The following FRRS1 variants were observed in gnomAD, a reference collection of about 807,000 sequenced individuals.
The protein encoded by FRRS1 is ferric reductase 1.
In FRRS1, 51 loss-of-function variants were observed where a neutral mutation model predicts 70.7. The ratio of observed to expected loss-of-function variants is 0.72; its 90% CI spans 0.58 to 0.91. The LOEUF (loss-of-function observed/expected upper bound fraction) is 0.91. Ranked by LOEUF, FRRS1 falls within the 40% of genes least tolerant of loss-of-function variation. The probability of loss-of-function intolerance (pLI) is 0.00; values close to 1 mark genes in which losing one functional copy is unlikely to be tolerated. For synonymous variants in FRRS1, 225 were observed against 238.7 expected, an observed-to-expected ratio of 0.94 and a Z score of 0.53; for missense variants, 672 against 726.0, an observed-to-expected ratio of 0.93 and a Z score of 0.86.
rs569842050 is a variant in FRRS1 at position 99,712,822 on chromosome 1, T to C, written c.1324-307A>G. 2.0e-5 allele frequency among the ~76,000 whole-genome samples: 3 copies of C among 152,286 alleles called. No individual in the cohort carries two copies. In the East Asian group the frequency reaches 5.8e-4, roughly 29 times the overall value. ...TGTCCAAGGTCACAGAGTATGTACATGGTTGTGGTGGAATCCATGTACAGA... is the reference window on the plus strand; with the variant it reads ...TGTCCAAGGTCACAGAGTATGTACACGGTTGTGGTGGAATCCATGTACAGA... On this transcript the variant is annotated intron_variant, in intron 12 of 16. Transcript: ENST00000646001.
chr1:99,731,126 C>T (rs1294184537), intron 7 of FRRS1, among the ~76,000 whole-genome samples: 2 of 151,926 alleles, frequency 1.3e-5, no homozygotes, highest in Non-Finnish European at 2.9e-5. Flanking sequence ...AAAAGAATAC[C>T]AAAAAAGAAG....
At chr1:99,722,760 C>T (rs953019) in intron 9 of FRRS1, among the ~76,000 whole-genome samples, 44,556 of 152,018 alleles carry the variant, frequency 0.29, 6,659 homozygotes, top group Admixed American at 0.33. Context: ...GAATATCAGA[C>T]GCATTTTCAT....
intron 7 of FRRS1, among the ~76,000 whole-genome samples, chr1:99,734,614 C>A (rs183935387): frequency 4.7e-4 from 71 of 152,090 alleles, no homozygotes; most frequent in Admixed American, 9.8e-4. Context: ...GGAAGGAATC[C>A]AAGTCAAAAC....
chr1:99,756,454 T>C (rs1201221449), intron 1 of FRRS1, among the ~76,000 whole-genome samples: 1 of 151,978 alleles, frequency 6.6e-6, no homozygotes, highest in Middle Eastern at 3.2e-3. Flanking sequence ...TCAAAGCAAG[T>C]ATATTCTTCA....
chr1:99,710,838 A>C lies in FRRS1; in HGVS notation c.1592T>G (p.Leu531Arg). The change falls in exon 15 of 17, where the codon CTG becomes CGG. Residue 531 changes from leucine (L) to arginine (R), a missense_variant. Transcript: ENST00000646001. ...AGAGAGCCGATAAGCATGTACCTCCAGAACAACCTCAGTCCCAACATGCCA... is the reference window on the plus strand; with the variant it reads ...AGAGAGCCGATAAGCATGTACCTCCCGAACAACCTCAGTCCCAACATGCCA... ...VAWHVGTEVV[L>R]EVHAYRLSRK... 1 of 1,614,072 alleles carries C rather than the reference A, an allele frequency of 6.2e-7. No individual in the cohort carries two copies.
chr1:99,721,661 C>T (rs1422253181), intron 9 of FRRS1, among the ~76,000 whole-genome samples: 4 of 148,202 alleles, frequency 2.7e-5, no homozygotes, highest in African/African-American at 7.5e-5. Context: ...TGCAGTGGCA[C>T]GATCTTGGCT....
intron 10 of FRRS1, 88 bp downstream of exon 10, chr1:99,719,446 T>C: frequency 1.5e-6 from 1 of 679,074 alleles, no homozygotes. Flanking sequence ...AAAAATTAGC[T>C]ACATTATACC....
intron 7 of FRRS1, 51 bp downstream of exon 7, chr1:99,738,035 C>G: frequency 6.8e-7 from 1 of 1,464,000 alleles, no homozygotes; most frequent in South Asian, 1.3e-5. Flanking sequence ...GCCACCATGC[C>G]TAGCCGTGAT....
intron 1 of FRRS1, among the ~76,000 whole-genome samples, chr1:99,766,294 A>C (rs1053171828): frequency 2.0e-5 from 3 of 148,850 alleles, no homozygotes; most frequent in African/African-American, 4.9e-5. Context: ...AATTAAAAAC[A>C]AAAAAAAAAC....
intron 7 of FRRS1, among the ~76,000 whole-genome samples, chr1:99,731,769 G>A (rs926771571): frequency 2.0e-5 from 3 of 152,094 alleles, no homozygotes; most frequent in Non-Finnish European, 2.9e-5. Flanking sequence ...TATTGCCCAC[G>A]AACTCTAAAA....
chr1:99,744,269 T>C (rs1656125189), intron 4 of FRRS1, among the ~76,000 whole-genome samples: 1 of 152,182 alleles, frequency 6.6e-6, no homozygotes, highest in Non-Finnish European at 1.5e-5. Context: ...AGTCATTATA[T>C]GACAACGTAA....
chr1:99,748,627 CA>C lies in FRRS1; in HGVS notation c.141del (p.Val48PhefsTer6), dbSNP rs776261381. 2 of 1,614,056 alleles carry C rather than the reference CA, an allele frequency of 1.2e-6. No homozygotes were observed. Among genetic ancestry groups the C allele is most frequent in the Non-Finnish European group, 1.7e-6 (2 of 1,179,966 alleles). ...ATCTGACTCACGTAAATGTCATGAA[CA>C]GGAACAGACTGTGGACTATGACCAT... is the stretch of plus-strand genomic sequence containing the variant. Reference protein sequence around the residue: ...PEHGHSPQSVPVHDIYVSQMT... With the variant: ...PEHGHSPQSVXVHDIYVSQMT... On this transcript the variant is annotated frameshift_variant, in exon 3 of 17. Coordinates refer to ENST00000646001, the MANE Select transcript of FRRS1 (RefSeq NM_001361041.2). LOFTEE classifies it high-confidence loss of function.
At chr1:99,753,379 A>T (rs1247679301) in intron 1 of FRRS1, among the ~76,000 whole-genome samples, 1 of 151,738 alleles carries the variant, frequency 6.6e-6, no homozygotes, top group East Asian at 1.9e-4. Flanking sequence ...AATTTTATAA[A>T]TTTTTTTATA....
At chr1:99,752,151 C>T (rs1403026063) in intron 1 of FRRS1, among the ~76,000 whole-genome samples, 3 of 152,162 alleles carry the variant, frequency 2.0e-5, no homozygotes, top group Non-Finnish European at 4.4e-5. Context: ...TCCATATCAA[C>T]AATAAGGCTG....
intron 1 of FRRS1, among the ~76,000 whole-genome samples, chr1:99,763,734 G>A (rs1046890560): frequency 6.6e-6 from 1 of 151,950 alleles, no homozygotes; most frequent in African/African-American, 2.4e-5. Flanking sequence ...CGGGCTTGGG[G>A]GTGCATGCCT....
At chr1:99,731,903 C>T (rs1207357834) in intron 7 of FRRS1, among the ~76,000 whole-genome samples, 1 of 152,178 alleles carries the variant, frequency 6.6e-6, no homozygotes, top group African/African-American at 2.4e-5. Context: ...TGGGCTTAAG[C>T]AATCCTCCTG....
At chr1:99,718,100 T>C (rs1017673356) in intron 10 of FRRS1, among the ~76,000 whole-genome samples, 1 of 152,222 alleles carries the variant, frequency 6.6e-6, no homozygotes, top group Non-Finnish European at 1.5e-5. Flanking sequence ...TTAACTGTGA[T>C]GGCATTTATC....
intron 10 of FRRS1, among the ~76,000 whole-genome samples, chr1:99,717,969 C>T (rs556081066): frequency 2.6e-5 from 4 of 152,332 alleles, no homozygotes; most frequent in South Asian, 2.1e-4. Flanking sequence ...AATCTTCTCA[C>T]ATCTCACTCC....
rs541895274 is a variant in FRRS1 at position 99,708,467 on chromosome 1, G to A, written c.*561C>T. On this transcript the variant is annotated 3_prime_UTR_variant, in exon 17 of 17. Transcript: ENST00000646001. Reference sequence around the variant, plus strand: ...AAAAAAATTAGCCCGGCATGGTGGCGGGCACCTGTAGTCCCAGCTACTCAG... The same window carrying A: ...AAAAAAATTAGCCCGGCATGGTGGCAGGCACCTGTAGTCCCAGCTACTCAG... 3.6e-4 allele frequency among the ~76,000 whole-genome samples: 54 copies of A among 150,038 alleles called. 2 individuals are homozygous for A. In the East Asian group the frequency reaches 6.8e-3, roughly 19 times the overall value.
Sources: gnomAD v4.1 joint callset for allele counts (sites outside exome capture counted in the v4.1 genomes callset) on GRCh38, gnomAD v4.1.1 for gene constraint, MANE v1.5 for transcripts, NCBI Gene and HGNC (gene_info 2026-07-23, HGNC 2026-07-21) for gene names.